SEMA3A: variants seen among roughly 807,000 people sequenced by gnomAD.
SEMA3A encodes semaphorin 3A.
Under a neutral mutation model 97.9 loss-of-function variants are expected in SEMA3A, and 29 were observed. The observed-to-expected ratio is 0.30, with a 90% confidence interval of 0.22 to 0.40. The LOEUF (loss-of-function observed/expected upper bound fraction) is 0.40. Among genes scored for constraint, SEMA3A ranks in the 10% least tolerant of loss-of-function variants. The pLI, the probability that SEMA3A is intolerant of heterozygous loss-of-function variation, is 1.00. For missense variants in SEMA3A, 763 were observed against 951.3 expected (o/e 0.80, Z 2.60); for synonymous variants, 321 against 323.7 (o/e 0.99, Z 0.09).
At chr7:84,145,547 C>T (rs1796438342) in intron 1 of SEMA3A, among the ~76,000 whole-genome samples, 1 of 152,040 alleles carries the variant, frequency 6.6e-6, no homozygotes, top group African/African-American at 2.4e-5. Context: ...GTTCAAATGA[C>T]TATTAAAATT....
At chr7:84,361,328 G>C (rs577598257) in intron 2 of SEMA3A, among the ~76,000 whole-genome samples, 2 of 152,088 alleles carry the variant, frequency 1.3e-5, no homozygotes, top group East Asian at 3.9e-4. Flanking sequence ...ATATTGAATG[G>C]AAGAAATGAT....
intron 3 of SEMA3A, among the ~76,000 whole-genome samples, chr7:84,255,602 T>C (rs750453394): frequency 6.6e-6 from 1 of 152,156 alleles, no homozygotes; most frequent in Non-Finnish European, 1.5e-5. Flanking sequence ...TGGTCTAACC[T>C]AGAAAACTTC....
At chr7:84,466,235 G>A (rs913992571) in intron 1 of SEMA3A, among the ~76,000 whole-genome samples, 1 of 151,876 alleles carries the variant, frequency 6.6e-6, no homozygotes, top group African/African-American at 2.4e-5. Flanking sequence ...GTGCAGCGGC[G>A]GATCTCAGCT....
intron 3 of SEMA3A, among the ~76,000 whole-genome samples, chr7:84,299,759 A>C (rs1800960220): frequency 1.5e-5 from 1 of 68,026 alleles, no homozygotes; most frequent in Non-Finnish European, 3.2e-5. Context: ...GTAAGAAAAT[A>C]CATTTAATCT....
At chr7:84,035,546 A>C (rs939076621) in intron 6 of SEMA3A, among the ~76,000 whole-genome samples, 9 of 152,170 alleles carry the variant, frequency 5.9e-5, no homozygotes, top group African/African-American at 2.2e-4. Context: ...TCAAAGAAAA[A>C]ATTAAAATCT....
In SEMA3A at chr7:84,054,713, C is replaced by T. The variant is rs1368196567; in HGVS notation, c.547+5752G>A. 2.0e-5 allele frequency among the ~76,000 whole-genome samples: 3 copies of T among 146,498 alleles called. No homozygotes were observed. The East Asian group carries it at 6.0e-4, about 29-fold the overall frequency. On this transcript the variant is annotated intron_variant, in intron 5 of 16. Coordinates refer to ENST00000265362, the MANE Select transcript of SEMA3A (RefSeq NM_006080.3). ...CCTTCTTCTCTCAGCTCGTCAAAGT[C>T]ATTCTCCATCCAGCTTTGTTCCGTT...
At chr7:84,049,960 C>T (rs201043454) in intron 5 of SEMA3A, among the ~76,000 whole-genome samples, 4 of 147,176 alleles carry the variant, frequency 2.7e-5, no homozygotes, top group East Asian at 4.2e-4. Flanking sequence ...TGAGAATATG[C>T]GGTGTTTGGT....
intron 2 of SEMA3A, among the ~76,000 whole-genome samples, chr7:84,343,198 C>T (rs186192477): frequency 6.6e-6 from 1 of 152,200 alleles, no homozygotes; most frequent in East Asian, 1.9e-4. Flanking sequence ...CAAACTTGAC[C>T]ATCAGGTTAT....
chr7:84,162,660 T>C (rs1293889179), intron 1 of SEMA3A, among the ~76,000 whole-genome samples: 2 of 152,164 alleles, frequency 1.3e-5, no homozygotes, highest in Admixed American at 6.5e-5. Flanking sequence ...ACTCCCTTTA[T>C]TGTACAATGT....
At chr7:84,491,821 C>A (rs1243874458) in intron 1 of SEMA3A, among the ~76,000 whole-genome samples, 1 of 152,136 alleles carries the variant, frequency 6.6e-6, no homozygotes, top group African/African-American at 2.4e-5. Flanking sequence ...AGATTTTGTA[C>A]ATCTGGTTTT....
chr7:84,390,252 A>G (rs1478125972), intron 1 of SEMA3A, among the ~76,000 whole-genome samples: 1 of 151,426 alleles, frequency 6.6e-6, no homozygotes, highest in African/African-American at 2.4e-5. Context: ...TTCAAATCCC[A>G]ATGCCGTTAT....
At chr7:84,205,385 C>G (rs930110724) in intron 3 of SEMA3A, among the ~76,000 whole-genome samples, 1 of 152,154 alleles carries the variant, frequency 6.6e-6, no homozygotes, top group Non-Finnish European at 1.5e-5. Flanking sequence ...GGAACATTCT[C>G]TCTTTACTTT....
intron 3 of SEMA3A, among the ~76,000 whole-genome samples, chr7:84,214,423 A>G (rs1041738850): frequency 6.6e-6 from 1 of 152,194 alleles, no homozygotes; most frequent in Non-Finnish European, 1.5e-5. Context: ...CAAATATTCT[A>G]CCAGCACTGT....
intron 3 of SEMA3A, among the ~76,000 whole-genome samples, chr7:84,274,664 A>G (rs894665125): frequency 6.6e-6 from 1 of 152,104 alleles, no homozygotes; most frequent in East Asian, 1.9e-4. Flanking sequence ...GTACTTATAA[A>G]TTATATGTAT....
At chr7:84,233,558 A>C (rs1228028785) in intron 3 of SEMA3A, among the ~76,000 whole-genome samples, 1 of 152,038 alleles carries the variant, frequency 6.6e-6, no homozygotes, top group Non-Finnish European at 1.5e-5. Context: ...CAATGAATAT[A>C]ATTTACATTA....
At chr7:84,392,601 G>T (rs1047068553) in intron 1 of SEMA3A, among the ~76,000 whole-genome samples, 3 of 152,082 alleles carry the variant, frequency 2.0e-5, no homozygotes, top group African/African-American at 4.8e-5. Context: ...GGCATTGCCG[G>T]TAATTGAATT....
chr7:84,244,043 A>T (rs1048887847), intron 3 of SEMA3A, among the ~76,000 whole-genome samples: 7 of 152,094 alleles, frequency 4.6e-5, no homozygotes, highest in African/African-American at 1.7e-4. Context: ...AATAAATGTG[A>T]TGTGGTGCTG....
chr7:84,490,905 A>G (rs1351308611), intron 1 of SEMA3A, among the ~76,000 whole-genome samples: 2 of 152,152 alleles, frequency 1.3e-5, no homozygotes, highest in Non-Finnish European at 2.9e-5. Context: ...GTGAAATTAG[A>G]ATCTCTCCCT....
chr7:84,295,196 A>T (rs1800838895), intron 3 of SEMA3A, among the ~76,000 whole-genome samples: 1 of 152,078 alleles, frequency 6.6e-6, no homozygotes, highest in Non-Finnish European at 1.5e-5. Context: ...CTAGACTAGC[A>T]ATTGGTCTAG....
Sources: allele counts gnomAD v4.1 joint callset (sites outside exome capture counted in the v4.1 genomes callset), GRCh38; gene constraint gnomAD v4.1.1; transcripts MANE v1.5; gene names NCBI Gene and HGNC (gene_info 2026-07-23, HGNC 2026-07-21).